Variants in TLN2 observed in about 807,000 individuals in gnomAD.
TLN2 encodes the protein talin-2.
In TLN2, 118 loss-of-function variants were observed where a neutral mutation model predicts 294.7. The observed-to-expected ratio is 0.40, with a 90% CI of 0.34 to 0.47. TLN2 has a LOEUF of 0.47. Among genes scored for constraint, TLN2 ranks in the 20% least tolerant of loss-of-function variants. TLN2 has a pLI of 0.84. For synonymous variants in TLN2, 1,431 were observed against 1,304.5 expected (o/e 1.10, Z -2.09); for missense variants, 3,083 against 3,282.2 (o/e 0.94, Z 1.48).
At chr15:62,639,524 C>G (rs1220739424) in intron 3 of TLN2, among the ~76,000 whole-genome samples, 1 of 152,202 alleles carries the variant, frequency 6.6e-6, no homozygotes, top group East Asian at 1.9e-4. Flanking sequence ...CTCTTGCCTC[C>G]ATAAGGGAGA....
At chr15:62,812,855 G>A (rs998237829) in intron 52 of TLN2, among the ~76,000 whole-genome samples, 2 of 152,214 alleles carry the variant, frequency 1.3e-5, no homozygotes, top group Non-Finnish European at 2.9e-5. Flanking sequence ...AGAGGTCCAG[G>A]AGCTCTAGGA....
At chr15:62,490,820 T>C (rs767873027) in intron 1 of TLN2, among the ~76,000 whole-genome samples, 13 of 152,134 alleles carry the variant, frequency 8.5e-5, no homozygotes, top group Non-Finnish European at 1.8e-4. Context: ...AATTTCCAGG[T>C]TCCAGCAAGA....
rs79492320 is a variant in TLN2, at chr15:62,473,286, G to A, written c.-238+82601G>A. On this transcript the variant is annotated intron_variant, in intron 1 of 58. Transcript: ENST00000636159. The stretch of plus-strand genomic sequence containing the variant: ...CAGTTTTATTGGTGTGTCTTAAAAT[G>A]GGATTGGGAATAACACTGAGAATAA... Among the ~76,000 whole-genome samples, 1,490 of 152,160 alleles carry A rather than the reference G, an allele frequency of 9.8e-3. 29 individuals are homozygous for A. Among genetic ancestry groups the A allele is most frequent in the African/African-American group, 0.033 (1,367 of 41,544 alleles).
intron 5 of TLN2, 32 bp from the exon 6 acceptor site, chr15:62,651,973 A>G: frequency 6.5e-7 from 1 of 1,538,838 alleles, no homozygotes. Flanking sequence ...TTCCCCACAC[A>G]GTGTGAAATT....
chr15:62,577,741 C>T lies in TLN2; in HGVS notation c.-237-11946C>T, dbSNP rs140497709. On this transcript the variant is annotated intron_variant, in intron 1 of 58. Coordinates refer to ENST00000636159, the MANE Select transcript of TLN2 (RefSeq NM_015059.3). Reference sequence around the variant, plus strand: ...TAAGCTCTAGGGTACATGTGCACACCGTGCAGATTTGTTACATAGGTATAC... The same window carrying T: ...TAAGCTCTAGGGTACATGTGCACACTGTGCAGATTTGTTACATAGGTATAC... Among the ~76,000 whole-genome samples the T allele has an allele frequency of 4.9e-3, 752 of 152,038 alleles. 2 individuals are homozygous for T. The highest frequency in any genetic ancestry group is 0.015 in the South Asian group (74 of 4,800).
At chr15:62,825,846 A>ATTATAT (rs72171191) in intron 54 of TLN2, among the ~76,000 whole-genome samples, 1 of 80,490 alleles carries the variant, frequency 1.2e-5, no homozygotes, top group African/African-American at 8.0e-5. Flanking sequence ...AATATATATA[A>ATTATAT]ATATATTATA....
intron 41 of TLN2, among the ~76,000 whole-genome samples, chr15:62,766,844 T>C (rs2063038744): frequency 6.6e-6 from 1 of 152,214 alleles, no homozygotes; most frequent in Non-Finnish European, 1.5e-5. Flanking sequence ...TCTAACATAG[T>C]GTCTACTCTT....
intron 48 of TLN2, among the ~76,000 whole-genome samples, chr15:62,798,965 T>C (rs1452640214): frequency 6.6e-6 from 1 of 152,186 alleles, no homozygotes; most frequent in African/African-American, 2.4e-5. Flanking sequence ...AGCAGGAGAA[T>C]CACTTGAACC....
chr15:62,765,507 G>T (rs1043164956), intron 40 of TLN2, among the ~76,000 whole-genome samples: 2 of 152,104 alleles, frequency 1.3e-5, no homozygotes, highest in Non-Finnish European at 2.9e-5. Context: ...TCAATTCCAT[G>T]CTGGTGTGTG....
At chr15:62,646,674 T>A (rs1036064758) in intron 3 of TLN2, among the ~76,000 whole-genome samples, 1 of 152,324 alleles carries the variant, frequency 6.6e-6, no homozygotes, top group Admixed American at 6.5e-5. Context: ...AGGGCTGATA[T>A]CATTATAGCC....
At chr15:62,542,575 TG>T (rs1245028819) in intron 1 of TLN2, among the ~76,000 whole-genome samples, 1 of 152,136 alleles carries the variant, frequency 6.6e-6, no homozygotes, top group African/African-American at 2.4e-5. Context: ...AGGATCCTTT[TG>T]GTTGCAAGTA....
At chr15:62,826,204 A>G (rs2068184025) in intron 54 of TLN2, among the ~76,000 whole-genome samples, 1 of 151,966 alleles carries the variant, frequency 6.6e-6, no homozygotes, top group South Asian at 2.1e-4. Flanking sequence ...TCGACATTCA[A>G]GGGCCCCTTA....
At chr15:62,701,436 T>TA (rs2058714560) in intron 17 of TLN2, among the ~76,000 whole-genome samples, 1 of 152,150 alleles carries the variant, frequency 6.6e-6, no homozygotes, top group African/African-American at 2.4e-5. Context: ...GCATCCTCAT[T>TA]AAAAAGCATC....
Position 62,697,717 on chromosome 15 carries a change from G to C in TLN2, c.1322G>C (p.Arg441Pro), listed in dbSNP as rs779511723. 64 of 1,602,736 alleles carry C rather than the reference G, an allele frequency of 4.0e-5. No individual in the cohort carries two copies. Among genetic ancestry groups the C allele is most frequent in the Non-Finnish European group, 5.4e-5 (63 of 1,171,800 alleles). ...ACCATCTTGCAGCAGCAGTTCAACC[G>C]GACCGGGAAGGCAGAGCACGGCTCA... ...KSTILQQQFNRTGKAEHGSVA... is the reference protein window; with the variant it reads ...KSTILQQQFNPTGKAEHGSVA... The change falls in exon 15 of 59, where the codon CGG becomes CCG. Residue 441 changes from arginine to proline, a missense_variant. By Grantham distance (103) the Arg-to-Pro change is moderately radical. Coordinates refer to ENST00000636159, the MANE Select transcript of TLN2 (RefSeq NM_015059.3).
intron 1 of TLN2, among the ~76,000 whole-genome samples, chr15:62,558,194 C>A (rs1016765432): frequency 1.3e-5 from 2 of 152,056 alleles, no homozygotes; most frequent in African/African-American, 4.8e-5. Context: ...CATTTTGTAT[C>A]TCAACTCAAT....
At chr15:62,564,540 A>G (rs2043225582) in intron 1 of TLN2, among the ~76,000 whole-genome samples, 1 of 152,110 alleles carries the variant, frequency 6.6e-6, no homozygotes, top group African/African-American at 2.4e-5. Flanking sequence ...TGTATACCTT[A>G]TACATTTTCT....
At chr15:62,610,471 C>G (rs2047829438) in intron 2 of TLN2, among the ~76,000 whole-genome samples, 1 of 152,170 alleles carries the variant, frequency 6.6e-6, no homozygotes, top group African/African-American at 2.4e-5. Context: ...CTGAACTAAG[C>G]TTATTTAACA....
chr15:62,601,158 A>G (rs1310894927), intron 2 of TLN2, among the ~76,000 whole-genome samples: 3 of 152,170 alleles, frequency 2.0e-5, no homozygotes, highest in African/African-American at 7.2e-5. Flanking sequence ...TTTCCTTTCC[A>G]GTCTTGGGAT....
chr15:62,432,153 A>G (rs1344403388), intron 1 of TLN2, among the ~76,000 whole-genome samples: 13 of 152,108 alleles, frequency 8.5e-5, no homozygotes, highest in Admixed American at 8.5e-4. Flanking sequence ...TTATTAGTGT[A>G]TCTTTATTAG....
Sources: allele counts gnomAD v4.1 joint callset (sites outside exome capture counted in the v4.1 genomes callset), GRCh38; gene constraint gnomAD v4.1.1; transcripts MANE v1.5; gene names NCBI Gene and HGNC (gene_info 2026-07-23, HGNC 2026-07-21).